Variants in ATR observed in about 807,000 individuals in gnomAD.
The protein encoded by ATR is ATR checkpoint kinase, also known as serine/threonine-protein kinase ATR.
Under a neutral mutation model 305.3 loss-of-function variants are expected in ATR, and 142 were observed. The observed-to-expected ratio is 0.47, with a 90% CI of 0.41 to 0.53. The LOEUF is 0.53. Ranked by LOEUF, ATR falls within the 20% of genes least tolerant of loss-of-function variation. The pLI is 0.00. For synonymous variants in ATR, 1,050 were observed against 1,068.1 expected (o/e 0.98, Z 0.33); for missense variants, 2,135 against 3,133.1 (o/e 0.68, Z 7.60).
intron 13 of ATR, 129 bp downstream of exon 13, chr3:142,553,098 T>C: frequency 8.0e-7 from 1 of 1,248,682 alleles, no homozygotes; most frequent in South Asian, 1.4e-5. Context: ...AATATACCCC[T>C]GAACTTAAAA....
intron 36 of ATR, among the ~76,000 whole-genome samples, chr3:142,480,344 G>A (rs562098406): frequency 2.5e-4 from 38 of 152,304 alleles, no homozygotes; most frequent in African/African-American, 8.9e-4. Flanking sequence ...GAGTTTGCTG[G>A]AGATCCACTC....
At chr3:142,557,799 A>G in intron 8 of ATR, among the ~76,000 whole-genome samples, 1 of 152,038 alleles carries the variant, frequency 6.6e-6, no homozygotes, top group Non-Finnish European at 1.5e-5. Flanking sequence ...TGCCTGGCTA[A>G]TTTTTGTATT....
intron 1 of ATR, among the ~76,000 whole-genome samples, chr3:142,575,912 G>T (rs2035422321): frequency 6.6e-6 from 1 of 152,252 alleles, no homozygotes; most frequent in Admixed American, 6.5e-5. Flanking sequence ...TTGGTAAGGA[G>T]TTTGGATTTT....
intron 21 of ATR, among the ~76,000 whole-genome samples, chr3:142,528,217 CAT>C (rs1476990228): frequency 6.6e-6 from 1 of 152,198 alleles, no homozygotes; most frequent in Non-Finnish European, 1.5e-5. Context: ...TAACGTCTGA[CAT>C]ATATTCACAA....
intron 24 of ATR, 88 bp from the exon 25 acceptor site, chr3:142,515,603 CT>C: frequency 7.3e-7 from 1 of 1,365,392 alleles, no homozygotes; most frequent in Non-Finnish European, 1.0e-6. Context: ...AGTTGACTAC[CT>C]CAGTACTGCC....
chr3:142,468,963 C>T (rs1577511413), intron 38 of ATR, among the ~76,000 whole-genome samples: 2 of 152,202 alleles, frequency 1.3e-5, no homozygotes, highest in East Asian at 3.9e-4. Flanking sequence ...TGCATTCCAG[C>T]CTGGGCAACA....
chr3:142,571,854 C>G (rs918892260), intron 1 of ATR, among the ~76,000 whole-genome samples: 1 of 151,990 alleles, frequency 6.6e-6, no homozygotes, highest in African/African-American at 2.4e-5. Flanking sequence ...GCAACCTCCG[C>G]CACCCGGGCT....
intron 27 of ATR, among the ~76,000 whole-genome samples, chr3:142,508,816 C>T (rs1319015905): frequency 2.0e-5 from 3 of 149,336 alleles, no homozygotes; most frequent in African/African-American, 4.9e-5. Context: ...CCCAGCTACT[C>T]GGGGGGCTGA....
chr3:142,498,541 A>G lies in ATR; in HGVS notation c.5558+56T>C, dbSNP rs543645830. ...ATTATTTACTCAAAAAAATTTTCCA[A>G]TCCTGTCAGGTGACATTTATAGGCC... On this transcript the variant is annotated intron_variant, in intron 32 of 46. Transcript: ENST00000350721. 6.4e-6 allele frequency: 10 copies of G among 1,573,958 alleles called. 1 individual carries two copies. The highest frequency in any genetic ancestry group is 5.7e-5 in the South Asian group (5 of 87,416).
At chr3:142,558,842 A>T in intron 7 of ATR, 66 bp from the exon 8 acceptor site, 1 of 1,449,634 alleles carries the variant, frequency 6.9e-7, no homozygotes, top group Non-Finnish European at 9.6e-7. Flanking sequence ...TTAAATAAAA[A>T]TAAAGACATT....
At chr3:142,491,131 A>G (rs1436037733) in intron 35 of ATR, among the ~76,000 whole-genome samples, 1 of 152,132 alleles carries the variant, frequency 6.6e-6, no homozygotes, top group East Asian at 1.9e-4. Flanking sequence ...ACCAATTAGC[A>G]GTCACTTCCC....
At chr3:142,505,891 C>G (rs1393146635) in intron 28 of ATR, among the ~76,000 whole-genome samples, 3 of 151,888 alleles carry the variant, frequency 2.0e-5, no homozygotes, top group African/African-American at 7.3e-5. Flanking sequence ...GAAGAGCTGG[C>G]AAATGAAACA....
rs559731386 is a variant in ATR, at chr3:142,455,510, T to C, written c.7655+2094A>G. ...CACTCACACTTTATGATTTCAAAATTTACTACAAAGGTACAACAATCAAAA... is the reference window on the plus strand; with the variant it reads ...CACTCACACTTTATGATTTCAAAATCTACTACAAAGGTACAACAATCAAAA... On this transcript the variant is annotated intron_variant, in intron 45 of 46. Coordinates refer to ENST00000350721, the MANE Select transcript of ATR (RefSeq NM_001184.4). Among the ~76,000 whole-genome samples, 5 of 152,278 alleles carry C rather than the reference T, an allele frequency of 3.3e-5. No homozygotes were observed. The East Asian group carries it at 9.6e-4, about 29-fold the overall frequency.
intron 45 of ATR, among the ~76,000 whole-genome samples, chr3:142,454,349 C>G (rs1053051841): frequency 6.6e-6 from 1 of 152,006 alleles, no homozygotes; most frequent in Admixed American, 6.5e-5. Context: ...GGTAACTGTT[C>G]CACATGATGA....
intron 36 of ATR, among the ~76,000 whole-genome samples, chr3:142,481,683 T>C (rs1326184729): frequency 1.3e-5 from 2 of 152,028 alleles, no homozygotes; most frequent in African/African-American, 4.8e-5. Flanking sequence ...AGAGATGAGG[T>C]CTTGCCATGT....
chr3:142,538,365 A>G, intron 19 of ATR, 117 bp downstream of exon 19: 1 of 1,141,878 alleles, frequency 8.8e-7, no homozygotes, highest in Non-Finnish European at 1.2e-6. Flanking sequence ...ACTTTTGTTT[A>G]TTGATAAACC....
intron 35 of ATR, among the ~76,000 whole-genome samples, chr3:142,491,136 C>T (rs1233651889): frequency 6.6e-6 from 1 of 152,104 alleles, no homozygotes; most frequent in East Asian, 1.9e-4. Context: ...TTAGCAGTCA[C>T]TTCCCAGCCC....
intron 1 of ATR, among the ~76,000 whole-genome samples, chr3:142,569,428 C>G (rs1165482888): frequency 6.6e-6 from 1 of 152,130 alleles, no homozygotes; most frequent in East Asian, 1.9e-4. Context: ...TCAGGAGATC[C>G]TCCCACCTCA....
In ATR at chr3:142,528,877, A is replaced by ATTTTT. The variant is rs201313146; in HGVS notation, c.3946-4679_3946-4678insAAAAA. On this transcript the variant is annotated intron_variant, in intron 21 of 46. Transcript: ENST00000350721. ...ATCATATATATATATATATATATAT[A>ATTTTT]TATTTTTTTTTTTTTTTTTTTTTTG... Among the ~76,000 whole-genome samples, 89 of 47,684 alleles carry ATTTTT rather than the reference A, an allele frequency of 1.9e-3. 3 individuals carry two copies. Among genetic ancestry groups the ATTTTT allele is most frequent in the Middle Eastern group, 0.017 (1 of 60 alleles). The allele number at this position is 47,684 out of a possible 152,430, so 31.3% of individuals were successfully genotyped here.
Sources: allele counts gnomAD v4.1 joint callset (sites outside exome capture counted in the v4.1 genomes callset), GRCh38; gene constraint gnomAD v4.1.1; transcripts MANE v1.5; gene names NCBI Gene and HGNC (gene_info 2026-07-23, HGNC 2026-07-21).